ZFPM2: variants seen among roughly 807,000 people sequenced by gnomAD.
ZFPM2 encodes zinc finger protein ZFPM2.
Under a neutral mutation model 98.6 loss-of-function variants are expected in ZFPM2, and 20 were observed. That is an observed-to-expected ratio of 0.20 (90% confidence interval 0.14 to 0.29). The LOEUF (loss-of-function observed/expected upper bound fraction) is 0.29, where lower values mean the gene tolerates loss of function less well. Among genes scored for constraint, ZFPM2 ranks in the 10% least tolerant of loss-of-function variants. ZFPM2 has a pLI of 1.00. For missense variants in ZFPM2, 1,310 were observed against 1,388.6 expected, an observed-to-expected ratio of 0.94 and a Z score of 0.90; for synonymous variants, 518 against 502.7, an observed-to-expected ratio of 1.03 and a Z score of -0.41.
chr8:105,377,598 T>C (rs9918747), intron 1 of ZFPM2, among the ~76,000 whole-genome samples: 123,164 of 123,186 alleles, frequency 1, 61,571 homozygotes, highest in Middle Eastern at 1. Flanking sequence ...CCCGTTTTTC[T>C]TAAAAATCCA....
intron 4 of ZFPM2, among the ~76,000 whole-genome samples, chr8:105,626,969 C>G (rs1816669472): frequency 6.6e-6 from 1 of 152,122 alleles, no homozygotes; most frequent in African/African-American, 2.4e-5. Flanking sequence ...ATAAGCTCAT[C>G]TCATGGGAAG....
Position 105,801,074 on chromosome 8 carries a change from C to T in ZFPM2, c.992C>T (p.Pro331Leu), listed in dbSNP as rs780328692. The T allele has an allele frequency of 1.9e-6, 3 of 1,613,424 alleles. No individual in the cohort carries two copies. The highest frequency in any genetic ancestry group is 2.2e-5 in the East Asian group (1 of 44,872). The change falls in exon 8 of 8, where the codon CCT (proline) becomes CTT (leucine). Residue 331 changes from proline to leucine, a missense_variant. Coordinates refer to ENST00000407775, the MANE Select transcript of ZFPM2 (RefSeq NM_012082.4). ...GTGAAAATGGAAGAATTCCTGCCCC[C>T]TGGTGCTAGTCTAAAATGCACCGTC... ...SGVKMEEFLP[P>L]GASLKCTVCS... is the part of the protein sequence containing the mutation.
At chr8:105,521,150 CACAA>C (rs1381949495) in intron 3 of ZFPM2, among the ~76,000 whole-genome samples, 13 of 151,502 alleles carry the variant, frequency 8.6e-5, no homozygotes, top group African/African-American at 2.9e-4. Flanking sequence ...CACACACACA[CACAA>C]ACACACACAC....
intron 1 of ZFPM2, among the ~76,000 whole-genome samples, chr8:105,389,446 C>CA (rs1420285804): frequency 6.6e-6 from 1 of 151,962 alleles, no homozygotes; most frequent in Non-Finnish European, 1.5e-5. Context: ...GATGAATAGT[C>CA]AAAAAATGCT....
chr8:105,583,963 G>A (rs1264214269), intron 4 of ZFPM2, among the ~76,000 whole-genome samples: 3 of 152,110 alleles, frequency 2.0e-5, no homozygotes, highest in East Asian at 1.9e-4. Flanking sequence ...TAGAATGTTC[G>A]TGATAAGATG....
chr8:105,786,533 G>A (rs76058247), intron 5 of ZFPM2, among the ~76,000 whole-genome samples: 2,376 of 152,194 alleles, frequency 0.016, 36 homozygotes, highest in Non-Finnish European at 0.023. Context: ...CAATTTAGCC[G>A]TTTAGAATGA....
At chr8:105,448,564 A>G (rs1233604466) in intron 3 of ZFPM2, among the ~76,000 whole-genome samples, 1 of 151,962 alleles carries the variant, frequency 6.6e-6, no homozygotes, top group Admixed American at 6.6e-5. Flanking sequence ...TTAATTATTC[A>G]TGTACCATAT....
chr8:105,728,278 A>C (rs1467046497), intron 5 of ZFPM2, among the ~76,000 whole-genome samples: 1 of 151,624 alleles, frequency 6.6e-6, no homozygotes, highest in East Asian at 2.0e-4. Context: ...AAGATCCTTG[A>C]TATAAATGTC....
intron 3 of ZFPM2, among the ~76,000 whole-genome samples, chr8:105,502,543 C>G (rs189968651): frequency 6.6e-6 from 1 of 152,160 alleles, no homozygotes; most frequent in African/African-American, 2.4e-5. Context: ...GTCAGCTTAG[C>G]TTTGATACCA....
At chr8:105,770,711 C>T (rs1812960236) in intron 5 of ZFPM2, among the ~76,000 whole-genome samples, 1 of 152,114 alleles carries the variant, frequency 6.6e-6, no homozygotes, top group African/African-American at 2.4e-5. Flanking sequence ...AACCACAAAG[C>T]TTCATTTAGT....
intron 3 of ZFPM2, among the ~76,000 whole-genome samples, chr8:105,457,421 G>A (rs1210123444): frequency 1.3e-5 from 2 of 152,190 alleles, no homozygotes; most frequent in Non-Finnish European, 2.9e-5. Context: ...GAAGAACTAT[G>A]CAGTAGGCTC....
rs869164122 is a variant in ZFPM2 at position 105,691,231 on chromosome 8, CTTTTT to C, written c.532+56898_532+56902del. On this transcript the variant is annotated intron_variant, in intron 5 of 7. Transcript: ENST00000407775. ...CTCAAGCGCCCTGTTCCCAAAGAGA[CTTTTT>C]TTTTTTTTTTTTTTTTTTTTTTTGA... Among the ~76,000 whole-genome samples, 39 of 67,954 alleles carry C rather than the reference CTTTTT, an allele frequency of 5.7e-4. 2 individuals are homozygous for C. Among genetic ancestry groups the C allele is most frequent in the African/African-American group, 2.6e-3 (33 of 12,626 alleles). 44.6% of individuals were successfully genotyped at this position (67,954 alleles called of 152,430 possible). A position where few individuals can be genotyped will look rare whatever the true frequency, so the allele number is the denominator to read the frequency against.
intron 5 of ZFPM2, among the ~76,000 whole-genome samples, chr8:105,677,994 T>A (rs1365035672): frequency 6.6e-6 from 1 of 152,106 alleles, no homozygotes; most frequent in Non-Finnish European, 1.5e-5. Context: ...TTTCAGAGGA[T>A]TTTTTTAAAG....
At chr8:105,510,435 A>T (rs1488245602) in intron 3 of ZFPM2, among the ~76,000 whole-genome samples, 1 of 149,220 alleles carries the variant, frequency 6.7e-6, no homozygotes, top group Non-Finnish European at 1.5e-5. Flanking sequence ...GTTTCCAAGG[A>T]ATTGCTTCAA....
At position 105,804,074 on chromosome 8, in the gene ZFPM2, C is replaced by CAGAT. The variant is rs564108551; in HGVS notation, c.*538_*541dup. The CAGAT allele has an allele frequency of 3.9e-5, 6 of 154,082 alleles. No individual in the cohort carries two copies. The South Asian group carries it at 8.1e-4, about 21-fold the overall frequency. The allele number at this position is 154,082 out of a possible 1,614,324, so 9.5% of individuals were successfully genotyped here. On this transcript the variant is annotated 3_prime_UTR_variant, in exon 8 of 8. Transcript: ENST00000407775. ...GCTCTGTTTGCACTTTATATTTTAG[C>CAGAT]AGATACAGTCTCTTAGTCACTAGGC...
At chr8:105,524,175 G>A (rs1480376427) in intron 3 of ZFPM2, among the ~76,000 whole-genome samples, 3 of 152,102 alleles carry the variant, frequency 2.0e-5, no homozygotes, top group Non-Finnish European at 4.4e-5. Flanking sequence ...CTATGTTAAT[G>A]CTGGAAAGTC....
intron 3 of ZFPM2, among the ~76,000 whole-genome samples, chr8:105,472,839 T>A (rs1348454806): frequency 6.6e-6 from 1 of 151,582 alleles, no homozygotes. Flanking sequence ...TATTATCCCT[T>A]TGATTTCATT....
At chr8:105,447,907 A>G (rs1027793149) in intron 3 of ZFPM2, among the ~76,000 whole-genome samples, 5 of 152,118 alleles carry the variant, frequency 3.3e-5, no homozygotes, top group African/African-American at 1.2e-4. Context: ...TTATTCAACT[A>G]AAAGATATGT....
chr8:105,713,206 A>G (rs577945079), intron 5 of ZFPM2, among the ~76,000 whole-genome samples: 7 of 151,918 alleles, frequency 4.6e-5, no homozygotes, highest in African/African-American at 1.2e-4. Context: ...TTATTTTTTG[A>G]CTTTTTAATG....
Sources: allele counts gnomAD v4.1 joint callset (sites outside exome capture counted in the v4.1 genomes callset), GRCh38; gene constraint gnomAD v4.1.1; transcripts MANE v1.5; gene names NCBI Gene and HGNC (gene_info 2026-07-23, HGNC 2026-07-21).